Variants in DHRSX observed in about 807,000 individuals in gnomAD.
DHRSX encodes polyprenol dehydrogenase.
Under a neutral mutation model 34.0 loss-of-function variants are expected in DHRSX, and 31 were observed. That is an observed-to-expected ratio of 0.91 (90% CI 0.69 to 1.23). The LOEUF (loss-of-function observed/expected upper bound fraction) is 1.23, where lower values mean the gene tolerates loss of function less well. Among genes scored for constraint, DHRSX ranks in the 50% most tolerant of loss-of-function variants. DHRSX has a pLI of 0.00. For missense variants in DHRSX, 414 were observed against 428.1 expected (o/e 0.97, Z 0.29); for synonymous variants, 201 against 183.8 (o/e 1.09, Z -0.76).
chrX:2,452,035 C>T (rs1240063326), intron 1 of DHRSX, among the ~76,000 whole-genome samples: 1 of 150,014 alleles, frequency 6.7e-6, no homozygotes, highest in Non-Finnish European at 1.5e-5. Context: ...AAGGGACTGC[C>T]GCCATATACA....
rs754997397 is a variant in DHRSX at position 2,224,047 on chromosome X, G to A, written c.805-2818C>T. Among the ~76,000 whole-genome samples, 3 of 152,342 alleles carry A rather than the reference G, an allele frequency of 2.0e-5. No homozygotes were observed. In the South Asian group the frequency reaches 6.2e-4, roughly 32 times the overall value. On this transcript the variant is annotated intron_variant, in intron 6 of 6. Coordinates refer to ENST00000334651, the MANE Select transcript of DHRSX (RefSeq NM_145177.3). ...TACACCTCACGCTGGTGCCTGAGAT[G>A]TTCACCCACACTGTGTTATATTTAG...
chrX:2,253,580 A>C (rs1347952906), intron 5 of DHRSX, among the ~76,000 whole-genome samples: 1 of 152,246 alleles, frequency 6.6e-6, no homozygotes, highest in African/African-American at 2.4e-5. Flanking sequence ...AGACAGGGAG[A>C]CTGCCAAAAA....
intron 5 of DHRSX, among the ~76,000 whole-genome samples, chrX:2,243,792 T>TC (rs2016205569): frequency 3.1e-5 from 1 of 32,314 alleles, no homozygotes; most frequent in Non-Finnish European, 5.7e-5. Context: ...CTCCCTGTTT[T>TC]TTTTTTTTTT....
intron 1 of DHRSX, among the ~76,000 whole-genome samples, chrX:2,445,936 A>G (rs1251182981): frequency 6.6e-6 from 1 of 151,292 alleles, no homozygotes; most frequent in Admixed American, 6.6e-5. Flanking sequence ...CGCCATGTAC[A>G]CACTGAACAC....
intron 2 of DHRSX, among the ~76,000 whole-genome samples, chrX:2,409,736 TG>T (rs1174566613): frequency 1.6e-4 from 24 of 150,858 alleles, no homozygotes; most frequent in African/African-American, 5.1e-4. Context: ...TTTTTTGTTT[TG>T]TTTTTTTTTT....
chrX:2,392,295 A>G (rs1038311393), intron 3 of DHRSX: 2 of 157,874 alleles, frequency 1.3e-5, no homozygotes, highest in African/African-American at 4.8e-5. Flanking sequence ...TATCTAAAGC[A>G]TATATAATTT....
intron 3 of DHRSX, among the ~76,000 whole-genome samples, chrX:2,380,095 GAC>G (rs1170433750): frequency 6.6e-5 from 10 of 152,134 alleles, no homozygotes; most frequent in African/African-American, 2.4e-4. Context: ...AGGAGTCCAA[GAC>G]CAGCCTGGCC....
In DHRSX at chrX:2,303,346, G is replaced by A. The variant is rs138764303; in HGVS notation, c.287-11743C>T. On this transcript the variant is annotated intron_variant, in intron 3 of 6. Transcript: ENST00000334651. ...GGGGAGAGGTGATGGGATCATGGAG[G>A]TGGATTTCTCACGAATGGGTTAGCG... is the stretch of plus-strand genomic sequence containing the variant. Among the ~76,000 whole-genome samples the A allele has an allele frequency of 9.3e-3, 1,418 of 152,232 alleles. 19 individuals are homozygous for A. The highest frequency in any genetic ancestry group is 0.029 in the African/African-American group (1,224 of 41,540).
At chrX:2,414,345 A>T (rs1431806893) in intron 2 of DHRSX, among the ~76,000 whole-genome samples, 1 of 152,010 alleles carries the variant, frequency 6.6e-6, no homozygotes, top group Admixed American at 6.6e-5. Context: ...CCTCATCATG[A>T]CCTAACAAAA....
chrX:2,465,832 A>G (rs1343437932), intron 1 of DHRSX, among the ~76,000 whole-genome samples: 3 of 150,408 alleles, frequency 2.0e-5, no homozygotes, highest in Admixed American at 6.6e-5. Context: ...AAAAAGAGAA[A>G]AGAAAACAGA....
At chrX:2,221,477 C>CA in intron 6 of DHRSX, among the ~76,000 whole-genome samples, 1 of 152,250 alleles carries the variant, frequency 6.6e-6, no homozygotes, top group African/African-American at 2.4e-5. Flanking sequence ...GTTAATCCAT[C>CA]TCACTAGGCA....
chrX:2,488,737 G>A (rs751648469), intron 1 of DHRSX: 1 of 1,613,922 alleles, frequency 6.2e-7, no homozygotes, highest in Non-Finnish European at 8.5e-7. Flanking sequence ...CCTCGTCCTG[G>A]TCCTCGGGTT....
intron 5 of DHRSX, among the ~76,000 whole-genome samples, chrX:2,258,982 TAGG>T (rs940943986): frequency 5.9e-5 from 9 of 151,640 alleles, no homozygotes; most frequent in Non-Finnish European, 1.2e-4. Context: ...CTCGAAAAAA[TAGG>T]GGGAAGTGGC....
At chrX:2,464,720 G>C (rs2044463391) in intron 1 of DHRSX, among the ~76,000 whole-genome samples, 2 of 149,198 alleles carry the variant, frequency 1.3e-5, no homozygotes, top group African/African-American at 4.9e-5. Context: ...ACGTTCCCTA[G>C]GCATGTGGCC....
Position 2,219,929 on chromosome X carries a change from C to A in DHRSX, c.*1112G>T, listed in dbSNP as rs2015487315. On this transcript the variant is annotated 3_prime_UTR_variant, in exon 7 of 7. Coordinates refer to ENST00000334651, the MANE Select transcript of DHRSX (RefSeq NM_145177.3). ...TGGTGAGTAAGAGTGAGCCTCTATA[C>A]CAAGGATGTACCCTTTGGCTGTGTG... 6.6e-6 allele frequency: 1 copy of A among 152,148 alleles called. No individual in the cohort carries two copies. Among genetic ancestry groups the A allele is most frequent in the African/African-American group, 2.4e-5 (1 of 41,434 alleles). 9.4% of individuals were successfully genotyped at this position (152,148 alleles called of 1,614,324 possible).
intron 6 of DHRSX, among the ~76,000 whole-genome samples, chrX:2,230,914 A>G (rs1244310865): frequency 1.3e-5 from 2 of 152,118 alleles, no homozygotes; most frequent in African/African-American, 4.8e-5. Flanking sequence ...TTTTCTTGAG[A>G]ACTGCGACTA....
At position 2,250,161 on chromosome X, in the gene DHRSX, CA is replaced by C. The variant is rs1036532155; in HGVS notation, c.597-6932del. Among the ~76,000 whole-genome samples, 737 of 101,778 alleles carry C rather than the reference CA, an allele frequency of 7.2e-3. 3 individuals carry two copies. Among genetic ancestry groups the C allele is most frequent in the African/African-American group, 0.028 (660 of 23,614 alleles). 66.8% of individuals were successfully genotyped at this position (101,778 alleles called of 152,430 possible). Reference sequence around the variant, plus strand: ...TGGGCAACAGAGTGAGACTCCATCTCAAAAAAAAAAAAAAAAAAAATTAAGC... The same window carrying C: ...TGGGCAACAGAGTGAGACTCCATCTCAAAAAAAAAAAAAAAAAAATTAAGC... On this transcript the variant is annotated intron_variant, in intron 5 of 6. Coordinates refer to ENST00000334651, the MANE Select transcript of DHRSX (RefSeq NM_145177.3).
intron 1 of DHRSX, among the ~76,000 whole-genome samples, chrX:2,445,106 A>G (rs970555938): frequency 1.5e-4 from 23 of 152,138 alleles, no homozygotes; most frequent in African/African-American, 4.8e-4. Flanking sequence ...ACAGTGAGCC[A>G]AGATCGCACC....
intron 1 of DHRSX, among the ~76,000 whole-genome samples, chrX:2,451,615 C>T (rs1180080157): frequency 3.9e-5 from 6 of 152,180 alleles, no homozygotes; most frequent in Admixed American, 6.6e-5. Flanking sequence ...ATGTCTGAGA[C>T]GGCCACGTGC....
Sources: gnomAD v4.1 joint callset for allele counts (sites outside exome capture counted in the v4.1 genomes callset) on GRCh38, gnomAD v4.1.1 for gene constraint, MANE v1.5 for transcripts, NCBI Gene and HGNC (gene_info 2026-07-23, HGNC 2026-07-21) for gene names.